Variants in TSNARE1 observed in about 807,000 individuals in gnomAD.
TSNARE1 encodes t-SNARE domain containing 1.
Under a neutral mutation model 62.0 loss-of-function variants are expected in TSNARE1, and 49 were observed. That is an observed-to-expected ratio of 0.79 (90% CI 0.63 to 1.00). The LOEUF is 1.00. TSNARE1 is among the 50% of genes least tolerant of loss of function. The probability of loss-of-function intolerance (pLI) is 0.00; values close to 1 mark genes in which losing one functional copy is unlikely to be tolerated. For missense variants in TSNARE1, 755 were observed against 700.1 expected (o/e 1.08, Z -0.88); for synonymous variants, 328 against 294.4 (o/e 1.11, Z -1.17).
chr8:142,223,146 CCACT>C lies in TSNARE1; in HGVS notation c.*11+6323_*11+6326del, dbSNP rs1269301662. On this transcript the variant is annotated intron_variant, in intron 13 of 13. Coordinates refer to ENST00000524325, the MANE Select transcript of TSNARE1 (RefSeq NM_145003.5). The stretch of plus-strand genomic sequence containing the variant: ...TTCACTCATTCACTCATTCACTCAT[CCACT>C]CACTCATTCACTCACTCACTCAAGT... 1.5e-4 allele frequency among the ~76,000 whole-genome samples: 8 copies of C among 53,872 alleles called. 1 individual carries two copies. Among genetic ancestry groups the C allele is most frequent in the African/African-American group, 2.3e-4 (4 of 17,420 alleles). 35.3% of individuals were successfully genotyped at this position (53,872 alleles called of 152,430 possible). A position where few individuals can be genotyped will look rare whatever the true frequency, so the allele number is the denominator to read the frequency against.
Position 142,349,525 on chromosome 8 carries a change from A to G in TSNARE1, c.89-3633T>C, listed in dbSNP as rs374911032. ...ATGATGAAACTATGAGCAGAAATCA[A>G]TCACAATTTAAAACTCGCACGCACA... On this transcript the variant is annotated intron_variant, in intron 2 of 13. Coordinates refer to ENST00000524325, the MANE Select transcript of TSNARE1 (RefSeq NM_145003.5). 7.2e-5 allele frequency among the ~76,000 whole-genome samples: 11 copies of G among 152,344 alleles called. No homozygotes were observed. In the East Asian group the frequency reaches 1.4e-3, roughly 19 times the overall value.
At chr8:142,353,861 G>C (rs981750789) in intron 2 of TSNARE1, among the ~76,000 whole-genome samples, 2 of 152,232 alleles carry the variant, frequency 1.3e-5, no homozygotes, top group Non-Finnish European at 2.9e-5. Context: ...GGGAGCCCCT[G>C]CCTGCACAGC....
At chr8:142,402,166 G>A (rs972331487) in intron 1 of TSNARE1, among the ~76,000 whole-genome samples, 5 of 152,166 alleles carry the variant, frequency 3.3e-5, no homozygotes, top group Non-Finnish European at 7.3e-5. Flanking sequence ...AAGAAAGGGC[G>A]CCAGGTGTGG....
At chr8:142,315,194 A>G in intron 7 of TSNARE1, 102 bp from the exon 8 acceptor site, 2 of 1,181,204 alleles carry the variant, frequency 1.7e-6, no homozygotes, top group Non-Finnish European at 2.4e-6. Flanking sequence ...ACCTTCCCAC[A>G]CTCAGAATGG....
chr8:142,221,551 G>A (rs1401048567), intron 13 of TSNARE1, among the ~76,000 whole-genome samples: 1 of 152,202 alleles, frequency 6.6e-6, no homozygotes, highest in Non-Finnish European at 1.5e-5. Context: ...TATTTACTGA[G>A]GCCCAGCCTT....
At position 142,363,612 on chromosome 8, in the gene TSNARE1, G is replaced by T. The variant is rs576237108; in HGVS notation, c.-39-8849C>A. The stretch of plus-strand genomic sequence containing the variant: ...CGGCGTTCCCAGGGAATCCTGAGCT[G>T]CCCAGCCTGCCACTCACCCTGAGGG... On this transcript the variant is annotated intron_variant, in intron 1 of 13. Transcript: ENST00000524325. 4.6e-5 allele frequency among the ~76,000 whole-genome samples: 7 copies of T among 152,216 alleles called. No homozygotes were observed. The East Asian group carries it at 1.2e-3, about 25-fold the overall frequency.
In TSNARE1 at chr8:142,298,108, G is replaced by T. The variant is rs143255078; in HGVS notation, c.1290+2378C>A. ...CCCGAGGGCCACAGGCAGAGCCCAG[G>T]CCACCTGGGTCCTCTGGTCTAGATG... On this transcript the variant is annotated intron_variant, in intron 10 of 13. Coordinates refer to ENST00000524325, the MANE Select transcript of TSNARE1 (RefSeq NM_145003.5). 2.3e-3 allele frequency among the ~76,000 whole-genome samples: 354 copies of T among 152,314 alleles called. 2 individuals are homozygous for T. Among genetic ancestry groups the T allele is most frequent in the Non-Finnish European group, 3.6e-3 (244 of 68,022 alleles).
rs145982664 is a variant in TSNARE1 at position 142,223,043 on chromosome 8, C to T, written c.*11+6430G>A. 3.8e-3 allele frequency among the ~76,000 whole-genome samples: 153 copies of T among 40,520 alleles called. 9 individuals carry two copies. Among genetic ancestry groups the T allele is most frequent in the African/African-American group, 0.013 (96 of 7,494 alleles). 26.6% of individuals were successfully genotyped at this position (40,520 alleles called of 152,430 possible). A position where few individuals can be genotyped will look rare whatever the true frequency, so the allele number is the denominator to read the frequency against. On this transcript the variant is annotated intron_variant, in intron 13 of 13. Transcript: ENST00000524325. ...ACTCAGCCACTCACTCATTCACTCA[C>T]TCACTCATTCACTCATTCACTTACT...
chr8:142,217,925 G>GCTTAGTGTGTGACCA (rs1263401167), intron 13 of TSNARE1, among the ~76,000 whole-genome samples: 4 of 101,268 alleles, frequency 3.9e-5, no homozygotes, highest in African/African-American at 1.3e-4. Context: ...AGTGTGAACA[G>GCTTAGTGTGTGACCA]GATCAGGGCT....
chr8:142,271,881 C>T (rs532093109), intron 12 of TSNARE1, among the ~76,000 whole-genome samples: 1 of 152,090 alleles, frequency 6.6e-6, no homozygotes, highest in South Asian at 2.1e-4. Flanking sequence ...GAGAGGTGGG[C>T]ACATTTACTC....
chr8:142,401,389 G>A (rs1167780185), intron 1 of TSNARE1, among the ~76,000 whole-genome samples: 1 of 138,820 alleles, frequency 7.2e-6, no homozygotes, highest in Non-Finnish European at 1.5e-5. Context: ...AGGCACACCA[G>A]TGAGAAAAGC....
intron 1 of TSNARE1, among the ~76,000 whole-genome samples, chr8:142,382,265 C>T (rs768511838): frequency 3.3e-5 from 5 of 152,126 alleles, no homozygotes; most frequent in African/African-American, 4.8e-5. Context: ...GAATGCCAGC[C>T]GGGCACCCCC....
chr8:142,303,296 T>C (rs772348484), intron 9 of TSNARE1, among the ~76,000 whole-genome samples: 4 of 151,948 alleles, frequency 2.6e-5, no homozygotes, highest in Non-Finnish European at 4.4e-5. Context: ...AGCAGGGGGA[T>C]CACCTCCCCT....
At chr8:142,393,175 G>A (rs891242475) in intron 1 of TSNARE1, among the ~76,000 whole-genome samples, 6 of 152,176 alleles carry the variant, frequency 3.9e-5, no homozygotes, top group Non-Finnish European at 7.3e-5. Context: ...ACCACTCCTG[G>A]CCCCTGCAGC....
At chr8:142,281,768 C>T (rs187589638) in intron 11 of TSNARE1, among the ~76,000 whole-genome samples, 197 of 152,008 alleles carry the variant, frequency 1.3e-3, no homozygotes, top group African/African-American at 4.7e-3. Flanking sequence ...TGGGCCTGGG[C>T]GGGGTCACTG....
chr8:142,238,285 G>A (rs575135678), intron 12 of TSNARE1, among the ~76,000 whole-genome samples: 31 of 152,176 alleles, frequency 2.0e-4, no homozygotes, highest in South Asian at 4.1e-4. Context: ...GGCTCCTAGC[G>A]GCTCACATCC....
At chr8:142,284,571 G>T in intron 10 of TSNARE1, 86 bp from the exon 11 acceptor site, 1 of 1,145,340 alleles carries the variant, frequency 8.7e-7, no homozygotes, top group South Asian at 1.2e-5. Flanking sequence ...GGAACCTGGG[G>T]CGGGCCCAGG....
chr8:142,304,195 T>C (rs571357734), intron 9 of TSNARE1, among the ~76,000 whole-genome samples: 1 of 152,358 alleles, frequency 6.6e-6, no homozygotes, highest in East Asian at 1.9e-4. Flanking sequence ...CTCCCCTTCC[T>C]GGAGTGGGCG....
intron 13 of TSNARE1, among the ~76,000 whole-genome samples, chr8:142,228,713 C>A (rs1361083230): frequency 6.6e-6 from 1 of 152,188 alleles, no homozygotes; most frequent in Non-Finnish European, 1.5e-5. Context: ...CCCTAGAGCC[C>A]ATCCCATGCC....
Sources: allele counts gnomAD v4.1 joint callset (sites outside exome capture counted in the v4.1 genomes callset), GRCh38; gene constraint gnomAD v4.1.1; transcripts MANE v1.5; gene names NCBI Gene and HGNC (gene_info 2026-07-23, HGNC 2026-07-21).